UNC79: variants seen among roughly 807,000 people sequenced by gnomAD.
UNC79 encodes the protein protein unc-79 homolog.
UNC79 carries 37 observed loss-of-function variants against 283.1 expected under a neutral mutation model. The observed-to-expected ratio is 0.13, with a 90% CI of 0.10 to 0.17. The LOEUF is 0.17. Among genes scored for constraint, UNC79 ranks in the 10% least tolerant of loss-of-function variants. The pLI, the probability that UNC79 is intolerant of heterozygous loss-of-function variation, is 1.00. For synonymous variants in UNC79, 1,107 were observed against 1,200.2 expected (o/e 0.92, Z 1.61); for missense variants, 2,272 against 3,211.1 (o/e 0.71, Z 7.07).
At chr14:93,669,014 A>G (rs546052875) in intron 40 of UNC79, among the ~76,000 whole-genome samples, 18 of 151,262 alleles carry the variant, frequency 1.2e-4, no homozygotes, top group African/African-American at 4.1e-4. Context: ...AATATGCAAG[A>G]ACTTTATGGA....
chr14:93,449,583 G>A (rs4569188), intron 1 of UNC79, among the ~76,000 whole-genome samples: 91,328 of 150,834 alleles, frequency 0.61, 28,404 homozygotes, highest in Middle Eastern at 0.73. Flanking sequence ...GCACCACTGC[G>A]CTCCAGCCTG....
rs556279356 is a variant in UNC79 at position 93,511,964 on chromosome 14, A to G, written c.899-12014A>G. 2.0e-5 allele frequency among the ~76,000 whole-genome samples: 3 copies of G among 152,204 alleles called. No individual in the cohort carries two copies. In the South Asian group the frequency reaches 6.2e-4, roughly 32 times the overall value. On this transcript the variant is annotated intron_variant, in intron 7 of 48. Transcript: ENST00000555664. ...TTCCAACATTAATTTTTTTCTAATTATCCATTTAAAATTACCAACTTCCCT... is the reference window on the plus strand; with the variant it reads ...TTCCAACATTAATTTTTTTCTAATTGTCCATTTAAAATTACCAACTTCCCT...
intron 46 of UNC79, among the ~76,000 whole-genome samples, chr14:93,693,204 G>A (rs749439463): frequency 5.9e-5 from 9 of 152,248 alleles, no homozygotes; most frequent in African/African-American, 1.4e-4. Context: ...AAATCTTAGC[G>A]TTTGAATAGT....
At position 93,398,114 on chromosome 14, in the gene UNC79, C is replaced by G. The variant is rs1008130221; in HGVS notation, c.-351+64591C>G. Among the ~76,000 whole-genome samples the G allele has an allele frequency of 1.5e-4, 23 of 152,216 alleles. 1 individual carries two copies. The highest frequency in any genetic ancestry group is 1.4e-3 in the Admixed American group (22 of 15,286). Reference sequence around the variant, plus strand: ...ATGTCTTCTCCATAATTATTAAGAGCTTGGTTGTGTAGTAGTACTTCACTA... The same window carrying G: ...ATGTCTTCTCCATAATTATTAAGAGGTTGGTTGTGTAGTAGTACTTCACTA... On this transcript the variant is annotated intron_variant, in intron 1 of 49. Coordinates refer to the UNC79 transcript ENST00000256339.
At chr14:93,636,645 C>T (rs1042576535) in intron 31 of UNC79, among the ~76,000 whole-genome samples, 3 of 152,168 alleles carry the variant, frequency 2.0e-5, no homozygotes, top group African/African-American at 7.2e-5. Flanking sequence ...AGACCTGCCT[C>T]TTCTCCACCC....
At chr14:93,687,307 A>T (rs945736865) in intron 43 of UNC79, among the ~76,000 whole-genome samples, 1 of 152,222 alleles carries the variant, frequency 6.6e-6, no homozygotes, top group Non-Finnish European at 1.5e-5. Flanking sequence ...ACAAAATCCC[A>T]GTGAAATTGT....
chr14:93,395,293 C>A (rs975333188), intron 1 of UNC79, among the ~76,000 whole-genome samples: 2 of 152,068 alleles, frequency 1.3e-5, no homozygotes, highest in African/African-American at 4.8e-5. Flanking sequence ...TCTCAGACTG[C>A]TATAAAAAAC....
intron 47 of UNC79, among the ~76,000 whole-genome samples, chr14:93,699,776 TG>T (rs967902557): frequency 3.9e-5 from 6 of 152,194 alleles, no homozygotes; most frequent in African/African-American, 1.2e-4. Flanking sequence ...TTATTATTTT[TG>T]CTTTAAACAG....
At chr14:93,606,516 T>A (rs544898272) in intron 26 of UNC79, among the ~76,000 whole-genome samples, 1 of 152,312 alleles carries the variant, frequency 6.6e-6, no homozygotes, top group East Asian at 1.9e-4. Context: ...CGTAAGATTG[T>A]GGAGAATGGT....
intron 1 of UNC79, among the ~76,000 whole-genome samples, chr14:93,442,915 C>T (rs2056349095): frequency 6.6e-6 from 1 of 152,070 alleles, no homozygotes; most frequent in Admixed American, 6.6e-5. Context: ...ATGGCAAAAC[C>T]CTATATCTAC....
At chr14:93,609,207 G>C (rs543951790) in intron 26 of UNC79, among the ~76,000 whole-genome samples, 1 of 152,276 alleles carries the variant, frequency 6.6e-6, no homozygotes, top group Admixed American at 6.5e-5. Flanking sequence ...GCACAAAATT[G>C]TTGGGGGAGG....
chr14:93,674,801 T>TG (rs994140320), intron 41 of UNC79, among the ~76,000 whole-genome samples: 35 of 152,232 alleles, frequency 2.3e-4, no homozygotes, highest in Admixed American at 1.6e-3. Context: ...CTGTATTGCA[T>TG]GGGGGGGTTC....
At chr14:93,342,203 A>C (rs1257492826) in intron 1 of UNC79, among the ~76,000 whole-genome samples, 2 of 152,198 alleles carry the variant, frequency 1.3e-5, no homozygotes, top group African/African-American at 4.8e-5. Flanking sequence ...AAGAGTTTTC[A>C]TACATCCTCT....
At chr14:93,581,214 C>CTCTG (rs1171976061) in intron 19 of UNC79, among the ~76,000 whole-genome samples, 1 of 151,846 alleles carries the variant, frequency 6.6e-6, no homozygotes, top group East Asian at 1.9e-4. Context: ...TAGGGTCTTG[C>CTCTG]TCTGTCACCC....
Position 93,347,713 on chromosome 14 carries a change from A to C in UNC79, c.-351+14190A>C, listed in dbSNP as rs112993674. 7.9e-3 allele frequency among the ~76,000 whole-genome samples: 1,200 copies of C among 152,072 alleles called. 18 individuals are homozygous for C. The highest frequency in any genetic ancestry group is 0.027 in the African/African-American group (1,140 of 41,464). ...GGGCGGGGCTGTGGTTTCGCGGAGG[A>C]ATGATTTACCATCCTCGGACGTCCT... On this transcript the variant is annotated intron_variant, in intron 1 of 49. Transcript: ENST00000256339.
At position 93,617,731 on chromosome 14, in the gene UNC79, T is replaced by C. The variant is rs1337346014; in HGVS notation, c.4224+427T>C. 6.6e-6 allele frequency among the ~76,000 whole-genome samples: 1 copy of C among 152,100 alleles called. No individual in the cohort carries two copies. Among genetic ancestry groups the C allele is most frequent in the Admixed American group, 6.5e-5 (1 of 15,278 alleles). On this transcript the variant is annotated intron_variant, in intron 28 of 48. Coordinates refer to ENST00000555664, the Ensembl canonical transcript of UNC79. This position sits in a 1 kb window ranked among gnomAD's most constrained non-coding sequence, Gnocchi z 4.5. ...GTGGTTTGGTGAAGGAGGAAATGAA[T>C]ATGGTCCCTTGTAAAAATAAGGCCA...
At chr14:93,404,783 A>T (rs1293442928) in intron 1 of UNC79, among the ~76,000 whole-genome samples, 4 of 151,578 alleles carry the variant, frequency 2.6e-5, no homozygotes, top group African/African-American at 9.7e-5. Flanking sequence ...TAAAAAATAA[A>T]ATTTGGCTAT....
chr14:93,340,260 G>A (rs2053675455), intron 1 of UNC79, among the ~76,000 whole-genome samples: 1 of 152,134 alleles, frequency 6.6e-6, no homozygotes, highest in Admixed American at 6.6e-5. Context: ...GGCTAACGCG[G>A]TGAAATGCCA....
chr14:93,682,528 ATTAAT>A, intron 41 of UNC79, 84 bp from the exon 45 acceptor site: 1 of 1,169,844 alleles, frequency 8.5e-7, no homozygotes, highest in Non-Finnish European at 1.2e-6. Context: ...ATAAACACTA[ATTAAT>A]TTAAGCCAAG....
Sources: allele counts gnomAD v4.1 joint callset (sites outside exome capture counted in the v4.1 genomes callset), GRCh38; gene constraint gnomAD v4.1.1; non-coding constraint Gnocchi (gnomAD v3.1); transcripts MANE v1.5; gene names NCBI Gene and HGNC (gene_info 2026-07-23, HGNC 2026-07-21).